The following PTPRN2 variants were observed in gnomAD, a reference collection of about 807,000 sequenced individuals.
PTPRN2 encodes receptor-type tyrosine-protein phosphatase N2.
In PTPRN2, 74 loss-of-function variants were observed where a neutral mutation model predicts 118.8. That is an observed-to-expected ratio of 0.62 (90% CI 0.52 to 0.76). PTPRN2 has a LOEUF of 0.76. PTPRN2 is among the 30% of genes least tolerant of loss of function. The probability of loss-of-function intolerance (pLI) is 0.00; values close to 1 mark genes in which losing one functional copy is unlikely to be tolerated. For missense variants in PTPRN2, 1,481 were observed against 1,394.4 expected, an observed-to-expected ratio of 1.06 and a Z score of -0.99; for synonymous variants, 641 against 608.0, an observed-to-expected ratio of 1.05 and a Z score of -0.80.
intron 12 of PTPRN2, among the ~76,000 whole-genome samples, chr7:157,712,394 C>A (rs977180394): frequency 1.3e-5 from 2 of 152,130 alleles, no homozygotes; most frequent in Non-Finnish European, 2.9e-5. Flanking sequence ...CAGATGTAAT[C>A]AAGTGACCAC....
intron 11 of PTPRN2, among the ~76,000 whole-genome samples, chr7:158,076,618 C>T (rs1418719212): frequency 6.6e-6 from 1 of 152,240 alleles, no homozygotes; most frequent in Non-Finnish European, 1.5e-5. Flanking sequence ...TTCCACCTTG[C>T]CAGCCTCTTA....
intron 12 of PTPRN2, chr7:157,862,453 T>C (rs1015649436): frequency 2.6e-5 from 4 of 152,288 alleles, no homozygotes; most frequent in Non-Finnish European, 5.9e-5. Flanking sequence ...TATTTAATTG[T>C]TGTGCATTTA....
At chr7:158,277,455 C>T (rs1799096300) in intron 3 of PTPRN2, among the ~76,000 whole-genome samples, 1 of 152,168 alleles carries the variant, frequency 6.6e-6, no homozygotes, top group Admixed American at 6.5e-5. Flanking sequence ...TCAAGTCTGC[C>T]CTATAAAGGA....
In PTPRN2 at chr7:158,133,815, A is replaced by G. The variant is rs769441797; in HGVS notation, c.1418T>C (p.Leu473Pro). Residue 473 changes from leucine to proline, a missense_variant, in exon 9 of 23, where the codon CTC becomes CCC. Physicochemically the swap from Leu to Pro is moderately conservative, Grantham distance 98 (BLOSUM62 -3). Transcript: ENST00000389418. ...SEPGAAAFGE[L>P]QNQMPGPSKE... Reference sequence around the variant, plus strand: ...CGAGGGCCCAGGCATCTGGTTTTGGAGCTCCCCAAACGCAGCGGCCCCGGG... The same window carrying G: ...CGAGGGCCCAGGCATCTGGTTTTGGGGCTCCCCAAACGCAGCGGCCCCGGG... 8.7e-6 allele frequency: 14 copies of G among 1,613,748 alleles called. No individual in the cohort carries two copies. The highest frequency in any genetic ancestry group is 2.7e-5 in the African/African-American group (2 of 74,896).
chr7:158,025,159 T>C (rs984175532), intron 11 of PTPRN2, among the ~76,000 whole-genome samples: 5 of 152,100 alleles, frequency 3.3e-5, no homozygotes, highest in African/African-American at 1.2e-4. Context: ...CCCTGCACTT[T>C]AGGAGCTCAG....
At chr7:158,197,796 C>T (rs1826328712) in intron 4 of PTPRN2, among the ~76,000 whole-genome samples, 1 of 152,106 alleles carries the variant, frequency 6.6e-6, no homozygotes. Flanking sequence ...AAAACTCACT[C>T]ACTATCATGA....
At chr7:158,501,597 G>T (rs1001503542) in intron 1 of PTPRN2, among the ~76,000 whole-genome samples, 14 of 152,304 alleles carry the variant, frequency 9.2e-5, no homozygotes, top group African/African-American at 2.9e-4. Context: ...CGCAGGGGGG[G>T]ACCTCCTGCC....
chr7:158,385,838 C>A (rs940025573), intron 2 of PTPRN2, among the ~76,000 whole-genome samples: 5 of 151,316 alleles, frequency 3.3e-5, no homozygotes, highest in African/African-American at 1.2e-4. Flanking sequence ...AGGAAGAGGG[C>A]TCTGCTGTGT....
intron 11 of PTPRN2, among the ~76,000 whole-genome samples, chr7:158,070,457 G>A (rs1238360317): frequency 2.6e-4 from 37 of 142,090 alleles, no homozygotes; most frequent in African/African-American, 9.1e-4. Context: ...CGTGGTGGTG[G>A]AGGTGCCCGT....
chr7:157,622,525 G>A lies in PTPRN2; in HGVS notation c.2197-1016C>T, dbSNP rs1803319742. ...AGACAGGTAGAGAAAGAGACACAGA[G>A]GGAGGGAGGGCTGGACACGGCGAGG... On this transcript the variant is annotated intron_variant, in intron 14 of 22. Coordinates refer to ENST00000389418, the MANE Select transcript of PTPRN2 (RefSeq NM_002847.5). This position sits in a 1 kb window ranked among gnomAD's most constrained non-coding sequence, Gnocchi z 5.3. Among the ~76,000 whole-genome samples, 1 of 152,114 alleles carries A rather than the reference G, an allele frequency of 6.6e-6. No homozygotes were observed. Among genetic ancestry groups the A allele is most frequent in the Non-Finnish European group, 1.5e-5 (1 of 68,034 alleles).
At chr7:157,677,282 T>A (rs1303534067) in intron 13 of PTPRN2, among the ~76,000 whole-genome samples, 1 of 152,192 alleles carries the variant, frequency 6.6e-6, no homozygotes, top group African/African-American at 2.4e-5. Flanking sequence ...ATTTTTTTTT[T>A]ATTTCCAAAT....
At chr7:157,810,301 G>A (rs931870520) in intron 12 of PTPRN2, among the ~76,000 whole-genome samples, 1 of 152,272 alleles carries the variant, frequency 6.6e-6, no homozygotes, top group Non-Finnish European at 1.5e-5. Context: ...CTAGACGTGT[G>A]GGGTCCACAG....
chr7:158,419,408 T>TGCAAGAATTCCGTCAC (rs1815064875), intron 2 of PTPRN2, among the ~76,000 whole-genome samples: 1 of 151,440 alleles, frequency 6.6e-6, no homozygotes, highest in African/African-American at 2.4e-5. Flanking sequence ...AATTCCATCA[T>TGCAAGAATTCCGTCAC]TGCAAGAATT....
chr7:157,642,865 CG>C (rs1315913772), intron 14 of PTPRN2, among the ~76,000 whole-genome samples: 1 of 130,104 alleles, frequency 7.7e-6, no homozygotes, highest in Non-Finnish European at 1.6e-5. Context: ...CGCAGGGCTG[CG>C]GGACAGTGGG....
At position 157,874,736 on chromosome 7, in the gene PTPRN2, C is replaced by T. The variant is rs547359052; in HGVS notation, c.1788+23937G>A. Among the ~76,000 whole-genome samples, 13 of 152,042 alleles carry T rather than the reference C, an allele frequency of 8.6e-5. No individual in the cohort carries two copies. The East Asian group carries it at 2.3e-3, about 27-fold the overall frequency. Reference sequence around the variant, plus strand: ...TCATGCACACACACACAGAGACACACTCATGCACATACACAGACACACACT... The same window carrying T: ...TCATGCACACACACACAGAGACACATTCATGCACATACACAGACACACACT... On this transcript the variant is annotated intron_variant, in intron 12 of 22. Transcript: ENST00000389418. This position sits in a 1 kb window ranked among gnomAD's most constrained non-coding sequence, Gnocchi z 5.8.
chr7:158,204,449 T>C (rs1214639105), intron 4 of PTPRN2, among the ~76,000 whole-genome samples: 3 of 152,356 alleles, frequency 2.0e-5, no homozygotes, highest in African/African-American at 7.2e-5. Flanking sequence ...GTTACTGGAA[T>C]CTTTCTAAAG....
chr7:157,942,140 C>T (rs1800175579), intron 11 of PTPRN2, among the ~76,000 whole-genome samples: 1 of 86,784 alleles, frequency 1.2e-5, no homozygotes, highest in African/African-American at 6.9e-5. Context: ...TCCACACGCA[C>T]AGGGGTCCTC....
chr7:157,810,287 C>T lies in PTPRN2; in HGVS notation c.1788+88386G>A, dbSNP rs976435524. 3.9e-5 allele frequency among the ~76,000 whole-genome samples: 6 copies of T among 152,386 alleles called. No individual in the cohort carries two copies. The East Asian group carries it at 5.8e-4, about 15-fold the overall frequency. On this transcript the variant is annotated intron_variant, in intron 12 of 22. Transcript: ENST00000389418. ...ACCATCCCCCGTGATCCCAAAGCAG[C>T]GATCTAGACGTGTGGGGTCCACAGG...
chr7:157,742,824 G>A (rs1214624746), intron 12 of PTPRN2, among the ~76,000 whole-genome samples: 1 of 152,184 alleles, frequency 6.6e-6, no homozygotes, highest in African/African-American at 2.4e-5. Flanking sequence ...ATACCAACTT[G>A]GAGCTTAGTT....
Sources: allele counts gnomAD v4.1 joint callset (sites outside exome capture counted in the v4.1 genomes callset), GRCh38; gene constraint gnomAD v4.1.1; non-coding constraint Gnocchi (gnomAD v3.1); transcripts MANE v1.5; gene names NCBI Gene and HGNC (gene_info 2026-07-23, HGNC 2026-07-21).